Variants in TSPAN14 observed in about 807,000 individuals in gnomAD.
TSPAN14 encodes the protein tetraspanin-14.
Under a neutral mutation model 36.6 loss-of-function variants are expected in TSPAN14, and 16 were observed. That is an observed-to-expected ratio of 0.44 (90% CI 0.30 to 0.66). TSPAN14 has a LOEUF of 0.66. TSPAN14 is among the 30% of genes least tolerant of loss of function. The probability of loss-of-function intolerance (pLI) is 0.12; values close to 1 mark genes in which losing one functional copy is unlikely to be tolerated. For missense variants in TSPAN14, 231 were observed against 355.1 expected, an observed-to-expected ratio of 0.65 and a Z score of 2.81; for synonymous variants, 139 against 143.8, an observed-to-expected ratio of 0.97 and a Z score of 0.24.
chr10:80,456,832 G>T (rs1290393122), intron 1 of TSPAN14, among the ~76,000 whole-genome samples: 2 of 152,228 alleles, frequency 1.3e-5, no homozygotes, highest in Non-Finnish European at 2.9e-5. Flanking sequence ...GGAGGCCGAG[G>T]TGGGTGGATC....
intron 5 of TSPAN14, among the ~76,000 whole-genome samples, chr10:80,510,118 C>T (rs1479709340): frequency 2.6e-5 from 4 of 152,344 alleles, no homozygotes; most frequent in African/African-American, 2.4e-5. Context: ...GTCACAGCCC[C>T]CTGGGGAGGA....
chr10:80,501,120 C>T (rs200168417), intron 2 of TSPAN14, among the ~76,000 whole-genome samples: 2,676 of 116,704 alleles, frequency 0.023, 61 homozygotes, highest in African/African-American at 0.069. Flanking sequence ...TTTTTTTTTT[C>T]TTTTTTTTTG....
In TSPAN14 at chr10:80,520,975, A is replaced by C. The variant is rs1177443453; in HGVS notation, c.*2999A>C. The C allele has an allele frequency of 9.6e-6, 4 of 417,538 alleles. No homozygotes were observed. In the Admixed American group the frequency reaches 1.2e-4, roughly 12 times the overall value. The allele number at this position is 417,538 out of a possible 1,614,324, so 25.9% of individuals were successfully genotyped here. ...CGGGGAATCCCACTACCCACAGGGC[A>C]GGGCTGTGGGCTGGGCTGAAAAACC... On this transcript the variant is annotated 3_prime_UTR_variant, in exon 9 of 9. Transcript: ENST00000429989.
intron 2 of TSPAN14, among the ~76,000 whole-genome samples, chr10:80,497,138 C>T (rs1176916969): frequency 6.6e-6 from 1 of 152,070 alleles, no homozygotes; most frequent in Non-Finnish European, 1.5e-5. Context: ...ATCATTTATT[C>T]TTGTTGTGTA....
intron 4 of TSPAN14, 118 bp downstream of exon 4, chr10:80,507,492 C>A (rs973732803): frequency 7.1e-7 from 1 of 1,408,002 alleles, no homozygotes; most frequent in Non-Finnish European, 9.7e-7. Flanking sequence ...TCCCCTAGGC[C>A]CCTGCCTGGG....
intron 3 of TSPAN14, among the ~76,000 whole-genome samples, chr10:80,505,560 A>C (rs1023671806): frequency 1.3e-5 from 2 of 152,232 alleles, no homozygotes; most frequent in African/African-American, 2.4e-5. Flanking sequence ...TGCTTCCAGC[A>C]GGAGGAGGCA....
At chr10:80,482,732 CTTTT>C (rs34769982) in intron 1 of TSPAN14, among the ~76,000 whole-genome samples, 1 of 110,544 alleles carries the variant, frequency 9.0e-6, no homozygotes, top group Non-Finnish European at 1.8e-5. Context: ...TTTTCTTTTC[CTTTT>C]TTTTTTTTTT....
At chr10:80,497,342 G>A (rs1253278524) in intron 2 of TSPAN14, among the ~76,000 whole-genome samples, 1 of 152,170 alleles carries the variant, frequency 6.6e-6, no homozygotes, top group African/African-American at 2.4e-5. Context: ...GTTTACAGCT[G>A]AGCTTTTCAG....
intron 7 of TSPAN14, among the ~76,000 whole-genome samples, chr10:80,514,396 G>A (rs1271095793): frequency 1.3e-5 from 2 of 152,184 alleles, no homozygotes; most frequent in Admixed American, 6.5e-5. Flanking sequence ...GACGTCTCTC[G>A]TTAAGGGGAC....
chr10:80,516,226 C>A, exon 8 of TSPAN14: 1 of 1,614,224 alleles, frequency 6.2e-7, no homozygotes, highest in Non-Finnish European at 8.5e-7. Context: ...TGGGATGAGT[C>A]CATCTTCACG....
At position 80,506,966 on chromosome 10, in the gene TSPAN14, A is replaced by G. The variant is rs965573261; in HGVS notation, c.133-262A>G. 4.6e-5 allele frequency among the ~76,000 whole-genome samples: 7 copies of G among 152,374 alleles called. No homozygotes were observed. The East Asian group carries it at 1.3e-3, about 29-fold the overall frequency. ...GAATAGGCACCCCACAGGCTGCAGA[A>G]GAAGCCTGGTGGCTGCCTAGGAGGA... On this transcript the variant is annotated intron_variant, in intron 3 of 8. Transcript: ENST00000429989.
At chr10:80,474,110 G>C (rs1439552994) in intron 1 of TSPAN14, among the ~76,000 whole-genome samples, 4 of 152,076 alleles carry the variant, frequency 2.6e-5, no homozygotes, top group Non-Finnish European at 4.4e-5. Flanking sequence ...GGCCCCAGGT[G>C]CTACTAGAGG....
At position 80,509,051 on chromosome 10, in the gene TSPAN14, C is replaced by T. The variant is rs928928180; in HGVS notation, c.280-250C>T. On this transcript the variant is annotated intron_variant, in intron 4 of 8. Transcript: ENST00000429989. The surrounding 1 kb of genome is among the most constrained non-coding windows in gnomAD (Gnocchi z 4.7). ...CTTGGAGCTTTCTCACACTTTTTCACGCATTTGAGTGTTATCAGCAATGCA... is the reference window on the plus strand; with the variant it reads ...CTTGGAGCTTTCTCACACTTTTTCATGCATTTGAGTGTTATCAGCAATGCA... 2.6e-5 allele frequency among the ~76,000 whole-genome samples: 4 copies of T among 152,202 alleles called. No individual in the cohort carries two copies. The highest frequency in any genetic ancestry group is 6.5e-5 in the Admixed American group (1 of 15,284).
chr10:80,485,215 G>A (rs1245104676), intron 1 of TSPAN14, among the ~76,000 whole-genome samples: 1 of 149,794 alleles, frequency 6.7e-6, no homozygotes, highest in Admixed American at 6.7e-5. Context: ...GTGTGTGTAA[G>A]ATAAAGAGTG....
At chr10:80,454,743 C>T (rs1170853506) in intron 1 of TSPAN14, among the ~76,000 whole-genome samples, 1 of 152,310 alleles carries the variant, frequency 6.6e-6, no homozygotes, top group Non-Finnish European at 1.5e-5. Context: ...TGGACGGCCG[C>T]TGCTGCTCGG....
chr10:80,454,753 G>C (rs940129114), intron 1 of TSPAN14, among the ~76,000 whole-genome samples: 2 of 152,092 alleles, frequency 1.3e-5, no homozygotes, highest in Admixed American at 1.3e-4. Flanking sequence ...CTGCTGCTCG[G>C]GGCTCTGCTT....
In TSPAN14 at chr10:80,507,250, A is replaced by C; in HGVS notation, c.155A>C (p.Lys52Thr). The C allele has an allele frequency of 1.9e-6, 3 of 1,614,156 alleles. No homozygotes were observed. The South Asian group carries it at 3.3e-5, about 18-fold the overall frequency. The change falls in exon 4 of 9, where the codon AAA becomes ACA. Residue 52 changes from lysine to threonine, a missense_variant. Transcript: ENST00000429989. ...CAGGGTGTGCTGTCCGACCTCACCA[A>C]AGTGACCCGGATGCATGGAATCGAC...
At chr10:80,518,457 C>T (rs925266916) in exon 9 of TSPAN14, 9 of 171,528 alleles carry the variant, frequency 5.2e-5, no homozygotes, top group East Asian at 1.5e-4. Flanking sequence ...GGGGCCTGCC[C>T]GTAACGGGAG....
chr10:80,499,820 G>A (rs921862509), intron 2 of TSPAN14, among the ~76,000 whole-genome samples: 7 of 152,302 alleles, frequency 4.6e-5, no homozygotes, highest in Middle Eastern at 3.4e-3. Context: ...TTAGGTGCTC[G>A]CTGGTCCAGC....
Sources: gnomAD v4.1 joint callset for allele counts (sites outside exome capture counted in the v4.1 genomes callset) on GRCh38, gnomAD v4.1.1 for gene constraint, Gnocchi (gnomAD v3.1) non-coding constraint, MANE v1.5 for transcripts, NCBI Gene and HGNC (gene_info 2026-07-23, HGNC 2026-07-21) for gene names.